The following PKIB variants were observed in gnomAD, a reference collection of about 807,000 sequenced individuals.
The protein encoded by PKIB is PKI-beta.
In PKIB, 2 loss-of-function variants were observed where a neutral mutation model predicts 4.5. The ratio of observed to expected loss-of-function variants is 0.44; its 90% CI spans 0.18 to 1.39. The LOEUF (loss-of-function observed/expected upper bound fraction) is 1.39, where lower values mean the gene tolerates loss of function less well. PKIB is among the 40% of genes most tolerant of loss of function. PKIB has a pLI of 0.27. For synonymous variants in PKIB, 38 were observed against 36.0 expected (o/e 1.06, Z -0.20); for missense variants, 94 against 92.6 (o/e 1.02, Z -0.06).
chr6:122,664,580 T>C (rs908439496), intron 2 of PKIB, among the ~76,000 whole-genome samples: 4 of 151,966 alleles, frequency 2.6e-5, no homozygotes, highest in African/African-American at 4.8e-5. Context: ...TCCAGCTAAT[T>C]TTTCTATTTT....
chr6:122,596,187 T>C (rs1259481302), intron 3 of PKIB, among the ~76,000 whole-genome samples: 1 of 152,146 alleles, frequency 6.6e-6, no homozygotes, highest in Admixed American at 6.5e-5. Flanking sequence ...CCACTGTCCT[T>C]CAGGGATGTC....
chr6:122,601,497 G>C (rs1180928671), intron 3 of PKIB, among the ~76,000 whole-genome samples: 1 of 152,048 alleles, frequency 6.6e-6, no homozygotes, highest in East Asian at 1.9e-4. Context: ...TCTCCATCAA[G>C]TACTACTGAC....
chr6:122,710,793 T>G, intron 3 of PKIB, among the ~76,000 whole-genome samples: 1 of 152,208 alleles, frequency 6.6e-6, no homozygotes, highest in African/African-American at 2.4e-5. Flanking sequence ...ACATAAATGC[T>G]TTTTGAATTG....
chr6:122,536,287 AGT>A (rs1777405508), intron 2 of PKIB, among the ~76,000 whole-genome samples: 3 of 152,328 alleles, frequency 2.0e-5, no homozygotes, highest in Non-Finnish European at 4.4e-5. Context: ...AAAAAAAGAC[AGT>A]GGAAAAATTG....
chr6:122,588,525 C>A (rs1245441862), intron 3 of PKIB, among the ~76,000 whole-genome samples: 1 of 152,122 alleles, frequency 6.6e-6, no homozygotes, highest in Non-Finnish European at 1.5e-5. Flanking sequence ...TGACTTCAAA[C>A]TATACTACAA....
At chr6:122,618,291 A>G (rs561907522) in intron 1 of PKIB, among the ~76,000 whole-genome samples, 1 of 152,238 alleles carries the variant, frequency 6.6e-6, no homozygotes, top group East Asian at 1.9e-4. Context: ...TAAATTCTTC[A>G]CCAAGAATCA....
chr6:122,593,041 G>A (rs764526430), intron 3 of PKIB, among the ~76,000 whole-genome samples: 8 of 152,128 alleles, frequency 5.3e-5, no homozygotes, highest in Non-Finnish European at 1.2e-4. Context: ...AACATTCACA[G>A]ACTAAAGTTT....
intron 3 of PKIB, among the ~76,000 whole-genome samples, chr6:122,677,842 TCTTCCTTCCTTCCTTCCTTC>T (rs66707245): frequency 0.24 from 34,400 of 141,100 alleles, 4,458 homozygotes; most frequent in East Asian, 0.32. Context: ...AGCTTTCTTT[TCTTCCTTCCTTCCTTCCTTC>T]CTTCCTTCCT....
chr6:122,501,118 C>A (rs1229676673), intron 2 of PKIB, among the ~76,000 whole-genome samples: 1 of 152,166 alleles, frequency 6.6e-6, no homozygotes, highest in East Asian at 1.9e-4. Flanking sequence ...TCATGTCCTT[C>A]TCACATTCCA....
intron 2 of PKIB, among the ~76,000 whole-genome samples, chr6:122,500,240 G>GA (rs36107514): frequency 0.14 from 20,597 of 151,914 alleles, 1,520 homozygotes; most frequent in East Asian, 0.26. Flanking sequence ...AAAATAGTGG[G>GA]AAAAAAGTAC....
chr6:122,548,195 T>A (rs1178996259), intron 2 of PKIB, among the ~76,000 whole-genome samples: 1 of 152,188 alleles, frequency 6.6e-6, no homozygotes, highest in Non-Finnish European at 1.5e-5. Flanking sequence ...TTATAGTAGC[T>A]TAAAGATGAC....
chr6:122,515,886 T>C (rs1344462572), intron 2 of PKIB, among the ~76,000 whole-genome samples: 2 of 152,012 alleles, frequency 1.3e-5, no homozygotes, highest in East Asian at 3.9e-4. Context: ...CTGCTAATTT[T>C]TGTATTTTGG....
At chr6:122,600,374 G>T (rs1774326005) in intron 3 of PKIB, among the ~76,000 whole-genome samples, 1 of 152,104 alleles carries the variant, frequency 6.6e-6, no homozygotes, top group African/African-American at 2.4e-5. Context: ...GACACACCCA[G>T]GATCAATAGT....
chr6:122,560,852 A>G (rs892905444), intron 2 of PKIB, among the ~76,000 whole-genome samples: 2 of 151,996 alleles, frequency 1.3e-5, no homozygotes, highest in South Asian at 2.1e-4. Context: ...GTAGCCTTCA[A>G]TAATCTTTTG....
chr6:122,521,825 A>C (rs1582673509), intron 2 of PKIB, among the ~76,000 whole-genome samples: 1 of 152,190 alleles, frequency 6.6e-6, no homozygotes, highest in Admixed American at 6.5e-5. Flanking sequence ...AGAATGGTCA[A>C]CATTGAGTTC....
At chr6:122,605,655 G>A (rs1451685556), upstream of PKIB, among the ~76,000 whole-genome samples, 4 of 152,076 alleles carry the variant, frequency 2.6e-5, no homozygotes, top group Non-Finnish European at 5.9e-5. Context: ...CCTCTGGAAT[G>A]GAGAGTGGGC....
intron 2 of PKIB, among the ~76,000 whole-genome samples, chr6:122,490,840 C>G (rs1382092590): frequency 6.6e-6 from 1 of 152,178 alleles, no homozygotes; most frequent in Non-Finnish European, 1.5e-5. Context: ...TGCTGTGATA[C>G]AGCCCAGCTT....
At chr6:122,701,702 G>C (rs1470938966) in intron 3 of PKIB, among the ~76,000 whole-genome samples, 1 of 152,162 alleles carries the variant, frequency 6.6e-6, no homozygotes, top group Non-Finnish European at 1.5e-5. Flanking sequence ...AAATGGTTGG[G>C]CATGTCATAT....
chr6:122,481,938 A>G (rs1775623577), intron 2 of PKIB: 1 of 151,454 alleles, frequency 6.6e-6, no homozygotes, highest in Admixed American at 6.6e-5. Flanking sequence ...AAGAGACATC[A>G]CAGAACACAG....
Sources: allele counts gnomAD v4.1 joint callset (sites outside exome capture counted in the v4.1 genomes callset), GRCh38; gene constraint gnomAD v4.1.1; transcripts MANE v1.5; gene names NCBI Gene and HGNC (gene_info 2026-07-23, HGNC 2026-07-21).